Variants in GOLM1 observed in about 807,000 individuals in gnomAD.
GOLM1 encodes the protein epididymis luminal protein 46.
GOLM1 carries 31 observed loss-of-function variants against 50.5 expected under a neutral mutation model. The observed-to-expected ratio is 0.61, with a 90% CI of 0.46 to 0.83. The LOEUF (loss-of-function observed/expected upper bound fraction) is 0.83. Ranked by LOEUF, GOLM1 falls within the 40% of genes least tolerant of loss-of-function variation. The pLI is 0.00. For synonymous variants in GOLM1, 178 were observed against 192.8 expected, an observed-to-expected ratio of 0.92 and a Z score of 0.64; for missense variants, 491 against 501.3, an observed-to-expected ratio of 0.98 and a Z score of 0.20.
intron 3 of GOLM1, 144 bp from the exon 4 acceptor site, chr9:86,052,735 C>T (rs1340352487): frequency 2.8e-6 from 2 of 713,736 alleles, no homozygotes; most frequent in Non-Finnish European, 5.1e-6. Flanking sequence ...TCAGGCTGGG[C>T]CCTCCCATGT....
At chr9:86,053,622 A>AACCACACCCC (rs1564347477) in intron 3 of GOLM1, among the ~76,000 whole-genome samples, 26 of 2,260 alleles carry the variant, frequency 0.012, no homozygotes, top group Middle Eastern at 0.17. Flanking sequence ...CACCACACCA[A>AACCACACCCC]ACATCACTAC....
At chr9:86,070,685 C>T (rs1376385664) in intron 3 of GOLM1, among the ~76,000 whole-genome samples, 1 of 152,196 alleles carries the variant, frequency 6.6e-6, no homozygotes, top group East Asian at 1.9e-4. Flanking sequence ...ACATCCTAGA[C>T]ATCCAGTAAG....
At chr9:86,042,071 C>T (rs1009032982) in intron 5 of GOLM1, among the ~76,000 whole-genome samples, 3 of 152,106 alleles carry the variant, frequency 2.0e-5, no homozygotes, top group Admixed American at 6.5e-5. Flanking sequence ...GAGCCGAGAT[C>T]GCGCCACTGC....
At chr9:86,071,105 ACG>A (rs1491206062) in intron 3 of GOLM1, among the ~76,000 whole-genome samples, 5 of 146,014 alleles carry the variant, frequency 3.4e-5, no homozygotes, top group African/African-American at 7.5e-5. Flanking sequence ...ACACACACAC[ACG>A]TATATTTAGA....
rs1832834405 is a variant in GOLM1 at position 86,027,885 on chromosome 9, C to T, written c.1138G>A (p.Val380Ile). 31 of 1,590,584 alleles carry T rather than the reference C, an allele frequency of 1.9e-5. No individual in the cohort carries two copies. The highest frequency in any genetic ancestry group is 2.6e-5 in the Non-Finnish European group (30 of 1,158,944). ...GNDRNIDVFNVEDQKRDTINL... is the reference protein window; with the variant it reads ...GNDRNIDVFNIEDQKRDTINL... ...ATGGTGTCTCTTTTCTGATCTTCAA[C>T]ATTAAAAACTAAAAAGGAAAAACAC... Residue 380 changes from valine to isoleucine, a missense_variant, in exon 10 of 10, where the codon GTT becomes ATT. Physicochemically the swap from Val to Ile is conservative, Grantham distance 29. Transcript: ENST00000388712.
At chr9:86,040,232 T>C (rs779768560) in intron 6 of GOLM1, among the ~76,000 whole-genome samples, 7 of 152,122 alleles carry the variant, frequency 4.6e-5, no homozygotes, top group Admixed American at 2.0e-4. Flanking sequence ...GGGTGAATCA[T>C]AGGGAATGCA....
chr9:86,033,156 G>A, intron 9 of GOLM1, 126 bp downstream of exon 9: 1 of 640,774 alleles, frequency 1.6e-6, no homozygotes. Context: ...CTAAAGAACA[G>A]ACGATCTCCT....
At chr9:86,044,593 TAGG>T (rs1029641084) in intron 5 of GOLM1, among the ~76,000 whole-genome samples, 21 of 152,246 alleles carry the variant, frequency 1.4e-4, no homozygotes, top group African/African-American at 4.8e-4. Context: ...TTAAGACAAT[TAGG>T]AGCTATACGG....
At chr9:86,032,592 A>C (rs983725303) in intron 9 of GOLM1, among the ~76,000 whole-genome samples, 2 of 152,228 alleles carry the variant, frequency 1.3e-5, no homozygotes, top group Non-Finnish European at 2.9e-5. Context: ...TGATGGCAGC[A>C]TGTAAAATGT....
At chr9:86,058,112 G>A (rs1334183176) in intron 3 of GOLM1, among the ~76,000 whole-genome samples, 10 of 152,172 alleles carry the variant, frequency 6.6e-5, no homozygotes, top group Non-Finnish European at 5.9e-5. Flanking sequence ...AGAATGAAGG[G>A]AAGAATATCA....
At chr9:86,053,596 C>CCACA (rs760427304) in intron 3 of GOLM1, among the ~76,000 whole-genome samples, 1,077 of 9,098 alleles carry the variant, frequency 0.12, 44 homozygotes, top group Non-Finnish European at 0.21. Context: ...CCACACCACT[C>CCACA]CACACACACA....
chr9:86,047,062 C>G (rs1056912979), intron 4 of GOLM1, among the ~76,000 whole-genome samples: 1 of 152,226 alleles, frequency 6.6e-6, no homozygotes, highest in African/African-American at 2.4e-5. Context: ...TGCCAGCATC[C>G]TCCCTCGTCA....
Position 86,027,583 on chromosome 9 carries a change from CCTA to C in GOLM1, c.*231_*233del, listed in dbSNP as rs1198240550. On this transcript the variant is annotated 3_prime_UTR_variant, in exon 10 of 10. Coordinates refer to ENST00000388712, the MANE Select transcript of GOLM1 (RefSeq NM_016548.4). ...TTGGTGTTGAACTTCTCACGAAATA[CCTA>C]CTACCAAAAATTGTGACACCTTATT... The C allele has an allele frequency of 1.0e-5, 13 of 1,303,376 alleles. No individual in the cohort carries two copies. Among genetic ancestry groups the C allele is most frequent in the Non-Finnish European group, 1.3e-5 (13 of 1,028,478 alleles). The allele number at this position is 1,303,376 out of a possible 1,614,324, so 80.7% of individuals were successfully genotyped here.
At chr9:86,051,018 T>G (rs939710475) in intron 4 of GOLM1, among the ~76,000 whole-genome samples, 15 of 152,242 alleles carry the variant, frequency 9.9e-5, no homozygotes, top group Non-Finnish European at 2.1e-4. Flanking sequence ...TAAATTTCCC[T>G]CTATGCACTG....
chr9:86,056,142 G>A (rs1036441267), intron 3 of GOLM1, among the ~76,000 whole-genome samples: 3 of 150,004 alleles, frequency 2.0e-5, no homozygotes. Context: ...CTCCCCTCCC[G>A]ACCCAAATCA....
intron 1 of GOLM1, among the ~76,000 whole-genome samples, chr9:86,084,526 G>A (rs1038404863): frequency 3.9e-5 from 6 of 151,988 alleles, no homozygotes; most frequent in African/African-American, 7.2e-5. Flanking sequence ...TGGCCAGCAC[G>A]GTTAAAAAGA....
At chr9:86,053,511 T>A (rs1286786504) in intron 3 of GOLM1, among the ~76,000 whole-genome samples, 21 of 3,452 alleles carry the variant, frequency 6.1e-3, no homozygotes, top group African/African-American at 7.5e-3. Flanking sequence ...TACACACTGC[T>A]CCACACAACA....
intron 9 of GOLM1, among the ~76,000 whole-genome samples, chr9:86,028,126 C>T (rs1204844653): frequency 6.6e-6 from 1 of 152,014 alleles, no homozygotes; most frequent in Admixed American, 6.6e-5. Flanking sequence ...GCAAGGGCTC[C>T]ACCCTCAGGC....
chr9:86,036,159 C>T (rs1411744793), intron 7 of GOLM1, among the ~76,000 whole-genome samples, 189 bp downstream of exon 7: 2 of 152,120 alleles, frequency 1.3e-5, no homozygotes, highest in South Asian at 2.1e-4. Context: ...CAAGGCACTT[C>T]GTTTACAAGG....
Sources: gnomAD v4.1 joint callset for allele counts (sites outside exome capture counted in the v4.1 genomes callset) on GRCh38, gnomAD v4.1.1 for gene constraint, MANE v1.5 for transcripts, NCBI Gene and HGNC (gene_info 2026-07-23, HGNC 2026-07-21) for gene names.